NRG3: variants seen among roughly 807,000 people sequenced by gnomAD.
NRG3 encodes pro-neuregulin-3, membrane-bound isoform.
A neutral mutation model predicts 66.9 loss-of-function variants in NRG3; 31 were observed. The observed-to-expected ratio is 0.46, with a 90% CI of 0.35 to 0.63. The LOEUF is 0.63. Among genes scored for constraint, NRG3 ranks in the 20% least tolerant of loss-of-function variants. NRG3 has a pLI of 0.00. For missense variants in NRG3, 910 were observed against 878.9 expected, an observed-to-expected ratio of 1.04 and a Z score of -0.45; for synonymous variants, 393 against 359.4, an observed-to-expected ratio of 1.09 and a Z score of -1.06.
chr10:82,555,662 T>A (rs997295858), intron 2 of NRG3, among the ~76,000 whole-genome samples: 2 of 152,186 alleles, frequency 1.3e-5, no homozygotes, highest in Non-Finnish European at 2.9e-5. Context: ...AACTCAGTGA[T>A]CTGCCTTCTA....
intron 1 of NRG3, among the ~76,000 whole-genome samples, chr10:82,297,987 C>A (rs2080170915): frequency 6.6e-6 from 1 of 151,806 alleles, no homozygotes; most frequent in Admixed American, 6.6e-5. Flanking sequence ...ACAAAAACTG[C>A]AAAAAAATTA....
chr10:82,775,236 G>A (rs575185806), intron 3 of NRG3, among the ~76,000 whole-genome samples: 10 of 149,894 alleles, frequency 6.7e-5, no homozygotes, highest in Non-Finnish European at 1.5e-4. Context: ...TTTTAAGTAG[G>A]CATTTCTTGC....
intron 3 of NRG3, among the ~76,000 whole-genome samples, chr10:82,774,692 G>T (rs532029837): frequency 2.8e-4 from 41 of 147,562 alleles, no homozygotes; most frequent in African/African-American, 8.0e-4. Flanking sequence ...GATGTTTTTT[G>T]ATTTTGTTTA....
At chr10:82,801,914 G>A (rs1053486334) in intron 3 of NRG3, among the ~76,000 whole-genome samples, 4 of 152,034 alleles carry the variant, frequency 2.6e-5, no homozygotes, top group Non-Finnish European at 5.9e-5. Context: ...TGCTTTCTTC[G>A]GGTTCCTTTA....
chr10:82,169,333 A>AT (rs970135538), intron 1 of NRG3, among the ~76,000 whole-genome samples: 10 of 151,610 alleles, frequency 6.6e-5, no homozygotes, highest in South Asian at 4.2e-4. Context: ...TATCTTAATC[A>AT]TTTTTTTTCC....
At chr10:81,973,943 T>C (rs145238858) in intron 1 of NRG3, among the ~76,000 whole-genome samples, 2,309 of 152,300 alleles carry the variant, frequency 0.015, 61 homozygotes, top group African/African-American at 0.052. Flanking sequence ...TTGCTTGTGT[T>C]GCAATTGCTT....
intron 8 of NRG3, among the ~76,000 whole-genome samples, chr10:82,981,338 T>G (rs575286083): frequency 1.3e-5 from 2 of 152,342 alleles, no homozygotes; most frequent in East Asian, 3.9e-4. Context: ...CCACCAGATG[T>G]TGATAAATGG....
chr10:82,734,861 TA>T (rs1229712804), intron 2 of NRG3, among the ~76,000 whole-genome samples: 1 of 150,904 alleles, frequency 6.6e-6, no homozygotes, highest in Non-Finnish European at 1.5e-5. Context: ...TACAAAAAAT[TA>T]AAAAAAATAA....
chr10:82,641,592 T>G (rs77393182), intron 2 of NRG3, among the ~76,000 whole-genome samples: 2 of 152,264 alleles, frequency 1.3e-5, no homozygotes, highest in Admixed American at 6.5e-5. Context: ...TCAAGAGTAC[T>G]CATGATCCAA....
rs550726624 is a variant in NRG3, at chr10:82,694,543, C to T, written c.954-44034C>T. 9.2e-5 allele frequency among the ~76,000 whole-genome samples: 14 copies of T among 152,092 alleles called. No individual in the cohort carries two copies. In the South Asian group the frequency reaches 2.9e-3, roughly 32 times the overall value. ...GTCAAGGCCAGCAGATTGTTTGAGGCTAGGAGTTTGAGAACAGACTGGGAG... is the reference window on the plus strand; with the variant it reads ...GTCAAGGCCAGCAGATTGTTTGAGGTTAGGAGTTTGAGAACAGACTGGGAG... On this transcript the variant is annotated intron_variant, in intron 2 of 8. Transcript: ENST00000372141.
chr10:82,138,464 C>T (rs2069523195), intron 1 of NRG3, among the ~76,000 whole-genome samples: 1 of 152,100 alleles, frequency 6.6e-6, no homozygotes, highest in Admixed American at 6.6e-5. Context: ...TAATCATCCT[C>T]TTTATAGAGT....
At chr10:82,741,773 C>A (rs1308582101) in intron 3 of NRG3, among the ~76,000 whole-genome samples, 1 of 152,096 alleles carries the variant, frequency 6.6e-6, no homozygotes, top group African/African-American at 2.4e-5. Flanking sequence ...AGGGCGCTTT[C>A]CTCCCTCCCC....
intron 2 of NRG3, among the ~76,000 whole-genome samples, chr10:82,600,174 G>C (rs2047530756): frequency 6.6e-6 from 1 of 152,032 alleles, no homozygotes; most frequent in Non-Finnish European, 1.5e-5. Context: ...TTATTTTTAA[G>C]TGCCTTTGCC....
Position 82,439,357 on chromosome 10 carries a change from A to G in NRG3, c.953+80489A>G, listed in dbSNP as rs139339265. ...TTTGTGGTTCTTTTATGTAATTTTC[A>G]ATAAATTTTATACTTTAAAACAAAT... is the stretch of plus-strand genomic sequence containing the variant. On this transcript the variant is annotated intron_variant, in intron 2 of 8. Transcript: ENST00000372141. Among the ~76,000 whole-genome samples, 564 of 146,302 alleles carry G rather than the reference A, an allele frequency of 3.9e-3. 1 individual carries two copies. Among genetic ancestry groups the G allele is most frequent in the African/African-American group, 0.014 (534 of 37,030 alleles).
intron 1 of NRG3, among the ~76,000 whole-genome samples, chr10:82,094,600 G>C (rs1338863956): frequency 6.6e-6 from 1 of 152,144 alleles, no homozygotes; most frequent in Non-Finnish European, 1.5e-5. Flanking sequence ...GTCCATCAAT[G>C]GATGGTTGGA....
chr10:82,358,999 G>A (rs999845042), intron 2 of NRG3, 131 bp downstream of exon 2: 14 of 1,300,306 alleles, frequency 1.1e-5, no homozygotes, highest in East Asian at 2.5e-5. Flanking sequence ...GCAGAATTGC[G>A]AGTCTTAATT....
At chr10:82,078,134 T>A (rs192157081) in intron 1 of NRG3, among the ~76,000 whole-genome samples, 276 of 152,306 alleles carry the variant, frequency 1.8e-3, no homozygotes, top group Non-Finnish European at 3.2e-3. Context: ...AAATTTTTTT[T>A]AATTATTCTA....
rs569044353 is a variant in NRG3 at position 82,553,327 on chromosome 10, G to A, written c.954-185250G>A. Reference sequence around the variant, plus strand: ...GGTAGGAGGATAACTAGTGAGAACCGCACCCCCCACACAATCACCACTTCA... The same window carrying A: ...GGTAGGAGGATAACTAGTGAGAACCACACCCCCCACACAATCACCACTTCA... On this transcript the variant is annotated intron_variant, in intron 2 of 8. Transcript: ENST00000372141. 8.6e-5 allele frequency among the ~76,000 whole-genome samples: 13 copies of A among 151,520 alleles called. No individual in the cohort carries two copies. In the South Asian group the frequency reaches 1.3e-3, roughly 15 times the overall value.
chr10:82,239,196 A>T (rs1001495812), intron 1 of NRG3, among the ~76,000 whole-genome samples: 1 of 152,028 alleles, frequency 6.6e-6, no homozygotes, highest in Non-Finnish European at 1.5e-5. Context: ...TTTAACTTCT[A>T]TGTGTGTATA....
Sources: gnomAD v4.1 joint callset for allele counts (sites outside exome capture counted in the v4.1 genomes callset) on GRCh38, gnomAD v4.1.1 for gene constraint, MANE v1.5 for transcripts, NCBI Gene and HGNC (gene_info 2026-07-23, HGNC 2026-07-21) for gene names.